Variants in SGCZ observed in about 807,000 individuals in gnomAD.
The protein encoded by SGCZ is sarcoglycan zeta.
Under a neutral mutation model 41.3 loss-of-function variants are expected in SGCZ, and 40 were observed. The observed-to-expected ratio is 0.97, with a 90% confidence interval of 0.75 to 1.26. The LOEUF (loss-of-function observed/expected upper bound fraction) is 1.26, where lower values mean the gene tolerates loss of function less well. Among genes scored for constraint, SGCZ ranks in the 50% most tolerant of loss-of-function variants. The probability of loss-of-function intolerance (pLI) is 0.00; values close to 1 mark genes in which losing one functional copy is unlikely to be tolerated. For synonymous variants in SGCZ, 206 were observed against 137.5 expected (o/e 1.50, Z -3.49); for missense variants, 552 against 369.8 (o/e 1.49, Z -4.04).
At chr8:14,444,453 A>T (rs1038219390) in intron 2 of SGCZ, among the ~76,000 whole-genome samples, 7 of 152,282 alleles carry the variant, frequency 4.6e-5, no homozygotes, top group African/African-American at 1.7e-4. Flanking sequence ...AAAATGTGGC[A>T]CATATACACC....
At chr8:14,633,536 G>C (rs1806727653) in intron 1 of SGCZ, among the ~76,000 whole-genome samples, 1 of 151,744 alleles carries the variant, frequency 6.6e-6, no homozygotes, top group Non-Finnish European at 1.5e-5. Context: ...TTTCTAACTA[G>C]AATAAAAAGT....
chr8:14,474,159 T>C (rs910440752), intron 2 of SGCZ, among the ~76,000 whole-genome samples: 2 of 152,156 alleles, frequency 1.3e-5, no homozygotes, highest in Admixed American at 6.6e-5. Flanking sequence ...CACAATTTAA[T>C]ATTCTCTAAA....
chr8:15,031,902 CCTCTCTCT>C (rs751690018), intron 1 of SGCZ, among the ~76,000 whole-genome samples: 50 of 130,856 alleles, frequency 3.8e-4, no homozygotes, highest in African/African-American at 8.4e-4. Flanking sequence ...CCTCTATATT[CCTCTCTCT>C]CTCTCTCTCT....
intron 1 of SGCZ, among the ~76,000 whole-genome samples, chr8:14,601,796 T>C (rs2117314041): frequency 6.6e-6 from 1 of 152,288 alleles, no homozygotes; most frequent in East Asian, 1.9e-4. Flanking sequence ...CTAGAATATT[T>C]ATGTACATCC....
At chr8:14,803,513 T>G (rs1028583504) in intron 1 of SGCZ, among the ~76,000 whole-genome samples, 1 of 152,054 alleles carries the variant, frequency 6.6e-6, no homozygotes, top group African/African-American at 2.4e-5. Context: ...ATACCGCGCT[T>G]TTCCGATGGG....
At chr8:14,630,841 A>ATGGGGAACATCAGACACTGGGGCCTGTTG (rs1166376575) in intron 1 of SGCZ, among the ~76,000 whole-genome samples, 6 of 120,562 alleles carry the variant, frequency 5.0e-5, no homozygotes, top group Non-Finnish European at 9.9e-5. Flanking sequence ...TGGACACAGG[A>ATGGGGAACATCAGACACTGGGGCCTGTTG]TGGGGAACAT....
At chr8:14,727,229 A>C (rs1014605038) in intron 1 of SGCZ, among the ~76,000 whole-genome samples, 1 of 152,172 alleles carries the variant, frequency 6.6e-6, no homozygotes, top group African/African-American at 2.4e-5. Context: ...AAGAATGCTC[A>C]ACATCTTTAC....
At chr8:14,878,638 C>A (rs1241485047) in intron 1 of SGCZ, among the ~76,000 whole-genome samples, 2 of 152,150 alleles carry the variant, frequency 1.3e-5, no homozygotes, top group Non-Finnish European at 1.5e-5. Flanking sequence ...TATGGAATGA[C>A]TTTCAGAAAA....
chr8:14,702,864 GATAGATAGATAGA>G (rs1809202996), intron 1 of SGCZ, among the ~76,000 whole-genome samples: 1 of 136,580 alleles, frequency 7.3e-6, no homozygotes, highest in Non-Finnish European at 1.6e-5. Context: ...TAGATAGATA[GATAGATAGATAGA>G]TAGATAAAAA....
chr8:14,810,500 C>T (rs1322802138), intron 1 of SGCZ, among the ~76,000 whole-genome samples: 1 of 151,802 alleles, frequency 6.6e-6, no homozygotes, highest in Non-Finnish European at 1.5e-5. Flanking sequence ...AAGAATGAAG[C>T]TCCAAGTTTC....
chr8:14,782,815 C>G (rs1204553062), intron 1 of SGCZ, among the ~76,000 whole-genome samples: 1 of 152,184 alleles, frequency 6.6e-6, no homozygotes, highest in Non-Finnish European at 1.5e-5. Flanking sequence ...TTCACAGACA[C>G]AGGCATATTG....
At chr8:14,942,733 T>C (rs762931660) in intron 1 of SGCZ, among the ~76,000 whole-genome samples, 1 of 152,158 alleles carries the variant, frequency 6.6e-6, no homozygotes, top group Non-Finnish European at 1.5e-5. Flanking sequence ...TATTCAATCA[T>C]GTTATAGCCC....
At chr8:14,952,233 G>C (rs940798613) in intron 1 of SGCZ, among the ~76,000 whole-genome samples, 15 of 152,036 alleles carry the variant, frequency 9.9e-5, no homozygotes, top group Admixed American at 6.6e-5. Flanking sequence ...CAAGAAAACA[G>C]GAATTATAAG....
chr8:15,107,371 T>C (rs2131092794), intron 1 of SGCZ, among the ~76,000 whole-genome samples: 1 of 152,264 alleles, frequency 6.6e-6, no homozygotes, highest in South Asian at 2.1e-4. Flanking sequence ...ACTTTTTGGG[T>C]CATGGGAGGA....
At chr8:14,986,577 T>C (rs1204987150) in intron 1 of SGCZ, among the ~76,000 whole-genome samples, 1 of 152,148 alleles carries the variant, frequency 6.6e-6, no homozygotes, top group Non-Finnish European at 1.5e-5. Flanking sequence ...TCTGAAATAG[T>C]ATTTTAATGT....
intron 1 of SGCZ, among the ~76,000 whole-genome samples, chr8:14,987,575 G>C (rs1477997189): frequency 6.6e-6 from 1 of 151,826 alleles, no homozygotes; most frequent in African/African-American, 2.4e-5. Flanking sequence ...TTTCTTATTA[G>C]TATACTTTCA....
At chr8:14,249,677 T>C (rs1263904009) in intron 3 of SGCZ, among the ~76,000 whole-genome samples, 1 of 152,166 alleles carries the variant, frequency 6.6e-6, no homozygotes, top group Admixed American at 6.5e-5. Flanking sequence ...TCAACTTCTA[T>C]AGTCATTACT....
chr8:14,230,180 G>A (rs1806511478), intron 4 of SGCZ, among the ~76,000 whole-genome samples: 1 of 151,938 alleles, frequency 6.6e-6, no homozygotes. Context: ...CTTCTCCAAA[G>A]GTAAAAAGTA....
At chr8:14,713,588 G>A (rs1162696889) in intron 1 of SGCZ, among the ~76,000 whole-genome samples, 1 of 151,238 alleles carries the variant, frequency 6.6e-6, no homozygotes, top group Non-Finnish European at 1.5e-5. Flanking sequence ...TTGTGATTAC[G>A]AAGAACTGTG....
Sources: gnomAD v4.1 joint callset for allele counts (sites outside exome capture counted in the v4.1 genomes callset) on GRCh38, gnomAD v4.1.1 for gene constraint, MANE v1.5 for transcripts, NCBI Gene and HGNC (gene_info 2026-07-23, HGNC 2026-07-21) for gene names.